The following SMARCC1 variants were observed in gnomAD, a reference collection of about 807,000 sequenced individuals.
SMARCC1 encodes SWI/SNF complex subunit SMARCC1.
A neutral mutation model predicts 147.4 loss-of-function variants in SMARCC1; 43 were observed. That is an observed-to-expected ratio of 0.29 (90% confidence interval 0.23 to 0.38). SMARCC1 has a LOEUF of 0.38. SMARCC1 is among the 10% of genes least tolerant of loss of function. SMARCC1 has a pLI of 1.00. For missense variants in SMARCC1, 1,119 were observed against 1,381.1 expected, an observed-to-expected ratio of 0.81 and a Z score of 3.01; for synonymous variants, 495 against 484.4, an observed-to-expected ratio of 1.02 and a Z score of -0.29.
intron 2 of SMARCC1, among the ~76,000 whole-genome samples, chr3:47,771,555 C>A (rs752308250): frequency 3.3e-5 from 5 of 152,058 alleles, no homozygotes; most frequent in Non-Finnish European, 5.9e-5. Flanking sequence ...GCGGGGCCAA[C>A]ACAGTGAAAC....
intron 2 of SMARCC1, among the ~76,000 whole-genome samples, chr3:47,757,204 T>C (rs953660606): frequency 6.6e-6 from 1 of 151,804 alleles, no homozygotes; most frequent in South Asian, 2.1e-4. Context: ...TGAGCTATGA[T>C]CAAGGCAATG....
chr3:47,764,359 T>C (rs12330471), intron 2 of SMARCC1, among the ~76,000 whole-genome samples: 2,504 of 152,224 alleles, frequency 0.016, 62 homozygotes, highest in African/African-American at 0.048. Context: ...TCACTGTACA[T>C]TGGCCATACT....
intron 11 of SMARCC1, among the ~76,000 whole-genome samples, chr3:47,700,326 T>C (rs1052301479): frequency 2.6e-5 from 4 of 152,158 alleles, no homozygotes; most frequent in African/African-American, 9.7e-5. Context: ...TAGTCTCTTA[T>C]TTACAAGCTG....
intron 14 of SMARCC1, among the ~76,000 whole-genome samples, chr3:47,682,923 T>G (rs2033672762): frequency 6.6e-6 from 1 of 152,258 alleles, no homozygotes; most frequent in South Asian, 2.1e-4. Context: ...CTTCCAAATG[T>G]TTAAAAATAA....
intron 21 of SMARCC1, among the ~76,000 whole-genome samples, chr3:47,649,786 G>T (rs970065060): frequency 6.6e-6 from 1 of 152,104 alleles, no homozygotes; most frequent in African/African-American, 2.4e-5. Flanking sequence ...AACAATAAAA[G>T]ATTTTTGAGA....
intron 4 of SMARCC1, among the ~76,000 whole-genome samples, chr3:47,736,735 C>CAA (rs1411525299): frequency 1.3e-5 from 2 of 151,710 alleles, no homozygotes; most frequent in Non-Finnish European, 2.9e-5. Flanking sequence ...ATAGCAATGG[C>CAA]AAAACATGTA....
chr3:47,621,870 C>T (rs1254329488), intron 25 of SMARCC1, among the ~76,000 whole-genome samples: 1 of 147,032 alleles, frequency 6.8e-6, no homozygotes, highest in Non-Finnish European at 1.5e-5. Flanking sequence ...TAGAGTTATA[C>T]AGTTTCTACT....
chr3:47,678,257 C>T lies in SMARCC1; in HGVS notation c.1512G>A (p.Glu504=), dbSNP rs770925764. Residue 504 remains glutamate, a synonymous_variant, in exon 16 of 28, where the codon GAG becomes GAA. Coordinates refer to ENST00000254480, the MANE Select transcript of SMARCC1 (RefSeq NM_003074.4). ...MIDTYRLNPQ[E]YLTSTACRRN... is the part of the protein sequence containing the mutation. The stretch of plus-strand genomic sequence containing the variant: ...TCCGACAAGCAGTGCTAGTTAAATA[C>T]TCTTGGGGGTTTAGACGATACGTGT... 8.7e-6 allele frequency: 14 copies of T among 1,608,316 alleles called. 1 individual carries two copies. In the South Asian group the frequency reaches 1.1e-4, roughly 13 times the overall value.
chr3:47,677,401 G>GTT (rs34045811), intron 16 of SMARCC1, among the ~76,000 whole-genome samples: 1 of 141,040 alleles, frequency 7.1e-6, no homozygotes, highest in African/African-American at 2.6e-5. Flanking sequence ...ATGCCTGGCC[G>GTT]TTTTTTTTTT....
At chr3:47,643,095 C>T (rs2033070627) in intron 21 of SMARCC1, among the ~76,000 whole-genome samples, 1 of 152,122 alleles carries the variant, frequency 6.6e-6, no homozygotes, top group South Asian at 2.1e-4. Context: ...TGTTGTTACT[C>T]GTAGAACCCG....
In SMARCC1 at chr3:47,781,707, A is replaced by T. The variant is rs1344502669; in HGVS notation, c.91T>A (p.Tyr31Asn). 1.3e-6 allele frequency: 2 copies of T among 1,562,688 alleles called. No homozygotes were observed. The highest frequency in any genetic ancestry group is 1.7e-6 in the Non-Finnish European group (2 of 1,158,394). ...GCCGGGCCCCCATCCTTCCGTCGAT[A>T]AACAGCTAGGCCTGCGGCTGCCGCC... ...IAAAAAGLAV[Y>N]RRKDGGPATK... The change falls in exon 1 of 28, where the codon TAT becomes AAT. Residue 31 changes from tyrosine (Y) to asparagine (N), a missense_variant. Tyr to Asn is a moderately radical substitution (Grantham distance 143). This residue lies in a region of SMARCC1 where 542 missense variants were observed against 611.8 expected (regional missense o/e 0.89). Coordinates refer to ENST00000254480, the MANE Select transcript of SMARCC1 (RefSeq NM_003074.4).
chr3:47,696,277 G>A (rs2033850948), intron 11 of SMARCC1, among the ~76,000 whole-genome samples: 1 of 151,960 alleles, frequency 6.6e-6, no homozygotes, highest in Admixed American at 6.6e-5. Context: ...AGGAGGCTGA[G>A]GCAGGACAAT....
chr3:47,600,675 T>C (rs1322090492), intron 26 of SMARCC1, among the ~76,000 whole-genome samples: 1 of 152,078 alleles, frequency 6.6e-6, no homozygotes, highest in Admixed American at 6.6e-5. Flanking sequence ...AAAGGTAACT[T>C]CCAAGGATGA....
intron 24 of SMARCC1, among the ~76,000 whole-genome samples, chr3:47,624,099 G>T (rs1259318274): frequency 6.6e-6 from 1 of 151,882 alleles, no homozygotes; most frequent in African/African-American, 2.4e-5. Context: ...AGACCAGCCC[G>T]GCCAACACAG....
chr3:47,590,324 T>C (rs1360081034), intron 27 of SMARCC1, among the ~76,000 whole-genome samples: 1 of 152,206 alleles, frequency 6.6e-6, no homozygotes, highest in Non-Finnish European at 1.5e-5. Flanking sequence ...AAGGCTGCTG[T>C]AGGGAAAACC....
chr3:47,735,056 T>C (rs979997990), intron 5 of SMARCC1, among the ~76,000 whole-genome samples: 1 of 152,046 alleles, frequency 6.6e-6, no homozygotes, highest in Non-Finnish European at 1.5e-5. Context: ...CGCCCGGCCT[T>C]CAATTTTTTT....
At chr3:47,740,580 C>A (rs2034498188) in intron 3 of SMARCC1, among the ~76,000 whole-genome samples, 1 of 151,828 alleles carries the variant, frequency 6.6e-6, no homozygotes, top group Admixed American at 6.6e-5. Flanking sequence ...ACCTCGTGAT[C>A]CACCCACCTC....
chr3:47,674,708 T>C (rs990097799), intron 18 of SMARCC1, among the ~76,000 whole-genome samples: 1 of 152,168 alleles, frequency 6.6e-6, no homozygotes, highest in Admixed American at 6.5e-5. Flanking sequence ...CAGACAACCC[T>C]ACTGCCCTGG....
In SMARCC1 at chr3:47,772,844, G is replaced by T. The variant is rs1237504781; in HGVS notation, c.288C>A (p.Val96=). The T allele has an allele frequency of 1.2e-6, 2 of 1,613,150 alleles. No individual in the cohort carries two copies. Among genetic ancestry groups the T allele is most frequent in the Non-Finnish European group, 1.7e-6 (2 of 1,179,436 alleles). The change falls in exon 2 of 28, where the codon GTC becomes GTA. Residue 96 remains valine, a synonymous_variant. Coordinates refer to ENST00000254480, the MANE Select transcript of SMARCC1 (RefSeq NM_003074.4). ...GGAGTTTGGTGAAGGCCGGGTTGGTGACATGCTTCCCAAAGGCATCTTCCT... is the reference window on the plus strand; with the variant it reads ...GGAGTTTGGTGAAGGCCGGGTTGGTTACATGCTTCCCAAAGGCATCTTCCT... ...QFQEDAFGKH[V]TNPAFTKLPA... is the part of the protein sequence containing the mutation.
Sources: gnomAD v4.1 joint callset for allele counts (sites outside exome capture counted in the v4.1 genomes callset) on GRCh38, gnomAD v4.1.1 for gene constraint, gnomAD v4.1.1 regional missense constraint, MANE v1.5 for transcripts, NCBI Gene and HGNC (gene_info 2026-07-23, HGNC 2026-07-21) for gene names.